The following PIWIL1 variants were observed in gnomAD, a reference collection of about 807,000 sequenced individuals.
PIWIL1 encodes piwi-like protein 1.
In PIWIL1, 73 loss-of-function variants were observed where a neutral mutation model predicts 114.4. That is an observed-to-expected ratio of 0.64 (90% CI 0.53 to 0.78). PIWIL1 has a LOEUF of 0.78. Ranked by LOEUF, PIWIL1 falls within the 30% of genes least tolerant of loss-of-function variation. PIWIL1 has a pLI of 0.00. For missense variants in PIWIL1, 723 were observed against 1,063.1 expected, an observed-to-expected ratio of 0.68 and a Z score of 4.45; for synonymous variants, 375 against 369.0, an observed-to-expected ratio of 1.02 and a Z score of -0.19.
At chr12:130,422,658 T>A in the PIWIL1 span, 1 of 815,172 alleles carries the variant, frequency 1.2e-6, no homozygotes, top group Non-Finnish European at 2.0e-6. The surrounding 1 kb of genome is among the most constrained non-coding windows in gnomAD (Gnocchi z 5.2). Flanking sequence ...GCAGAATCTG[T>A]AAAGGCAACT....
chr12:130,385,260 G>A, the PIWIL1 span, among the ~76,000 whole-genome samples: 1 of 152,170 alleles, frequency 6.6e-6, no homozygotes, highest in Non-Finnish European at 1.5e-5. Flanking sequence ...CTTGTAATTG[G>A]ATGGAATTTA....
the PIWIL1 span, chr12:130,396,296 G>A: frequency 6.6e-6 from 1 of 152,572 alleles, no homozygotes; most frequent in Non-Finnish European, 1.5e-5. Context: ...ACACAATGGG[G>A]AAAGCTTTGT....
chr12:130,401,615 A>ATTAT, the PIWIL1 span, among the ~76,000 whole-genome samples: 2 of 151,686 alleles, frequency 1.3e-5, no homozygotes, highest in African/African-American at 4.8e-5. Context: ...CACCGGCTCC[A>ATTAT]TTATTAGCTT....
Position 130,363,082 on chromosome 12 carries a change from A to G in PIWIL1, c.2133A>G (p.Thr711=). ...RDGVGDGQLK[T]LVNYEVPQFL... is the part of the protein sequence containing the mutation. ...GCGTAGGAGACGGCCAGCTGAAAAC[A>G]CTGGTGAACTACGAAGTGCCACAGT... Residue 711 remains threonine, a synonymous_variant, in exon 18 of 21, where the codon ACA becomes ACG. Transcript: ENST00000245255. 1 of 1,614,264 alleles carries G rather than the reference A, an allele frequency of 6.2e-7. No individual in the cohort carries two copies. The highest frequency in any genetic ancestry group is 8.5e-7 in the Non-Finnish European group (1 of 1,180,042).
At chr12:130,346,335 A>T in intron 4 of PIWIL1, 35 bp from the exon 5 acceptor site, 1 of 1,487,000 alleles carries the variant, frequency 6.7e-7, no homozygotes, top group Non-Finnish European at 9.4e-7. Flanking sequence ...AATAAACTTG[A>T]TATTTTGTTA....
chr12:130,349,911 A>G lies in PIWIL1; in HGVS notation c.988A>G (p.Ser330Gly), dbSNP rs777684447. Residue 330 changes from serine (S) to glycine (G), a missense_variant, in exon 9 of 21, where the codon AGC (serine) becomes GGC (glycine). By Grantham distance (56) the Ser-to-Gly change is moderately conservative (BLOSUM62 0). Transcript: ENST00000245255. ...DDIDWDQNPK[S>G]TFKKADGSEV... ...TATTGACTGGGACCAGAATCCCAAG[A>G]GCACCTTTAAGAAAGCCGACGGCTC... 8.1e-6 allele frequency: 13 copies of G among 1,613,566 alleles called. No homozygotes were observed. The highest frequency in any genetic ancestry group is 1.1e-5 in the Non-Finnish European group (13 of 1,179,678).
Position 130,349,342 on chromosome 12 carries a change from T to C in PIWIL1, c.838T>C (p.Leu280=), listed in dbSNP as rs776887005. 3 of 1,613,880 alleles carry C rather than the reference T, an allele frequency of 1.9e-6. No individual in the cohort carries two copies. The highest frequency in any genetic ancestry group is 2.5e-6 in the Non-Finnish European group (3 of 1,179,740). ...TAAAGTCCTTCGAAGTGAGACTGTT[T>C]TGGATTTCATGTTCAACTTTTATCA... ...SHKVLRSETV[L]DFMFNFYHQT... is the part of the protein sequence containing the mutation. Residue 280 remains leucine (L), a synonymous_variant, in exon 8 of 21, where the codon TTG becomes CTG. Coordinates refer to ENST00000245255, the MANE Select transcript of PIWIL1 (RefSeq NM_004764.5).
intron 9 of PIWIL1, among the ~76,000 whole-genome samples, chr12:130,353,934 A>C (rs1420445005): frequency 6.6e-6 from 1 of 152,156 alleles, no homozygotes; most frequent in Admixed American, 6.5e-5. Context: ...TTCAAAAAAA[A>C]AAAAAAAGAA....
chr12:130,359,465 G>A (rs1593110396), intron 14 of PIWIL1, among the ~76,000 whole-genome samples: 1 of 152,260 alleles, frequency 6.6e-6, no homozygotes, highest in South Asian at 2.1e-4. Context: ...ACCATTCCCT[G>A]CCCTGCTCTT....
the PIWIL1 span, among the ~76,000 whole-genome samples, chr12:130,404,454 C>G: frequency 4.6e-5 from 7 of 152,086 alleles, no homozygotes; most frequent in African/African-American, 1.7e-4. Context: ...CATGCCACCA[C>G]GCCCGGCTAA....
chr12:130,392,203 GCA>G, the PIWIL1 span, among the ~76,000 whole-genome samples: 2 of 67,094 alleles, frequency 3.0e-5, no homozygotes, highest in Non-Finnish European at 6.6e-5. Context: ...TCACGTGGAT[GCA>G]TCAGTTACCC....
At chr12:130,377,700 G>A in the PIWIL1 span, among the ~76,000 whole-genome samples, 1 of 152,224 alleles carries the variant, frequency 6.6e-6, no homozygotes, top group Non-Finnish European at 1.5e-5. Flanking sequence ...CAATGCCAGG[G>A]TGTGATCTGG....
chr12:130,371,245 C>T lies in PIWIL1; in HGVS notation c.2391C>T (p.Ile797=), dbSNP rs2073809407. The T allele has an allele frequency of 6.2e-7, 1 of 1,614,216 alleles. No homozygotes were observed. Among genetic ancestry groups the T allele is most frequent in the Non-Finnish European group, 8.5e-7 (1 of 1,180,026 alleles). ...TTTCTCCCACACATTACAATGTCAT[C>T]TATGACAACAGCGGCCTGAAGCCAG... is the stretch of plus-strand genomic sequence containing the variant. ...GSVSPTHYNV[I]YDNSGLKPDH... Residue 797 remains isoleucine, a synonymous_variant, in exon 20 of 21, where the codon ATC becomes ATT. Transcript: ENST00000245255.
the PIWIL1 span, chr12:130,412,917 CT>C: frequency 3.4e-6 from 3 of 873,202 alleles, no homozygotes; most frequent in Non-Finnish European, 5.1e-6. Flanking sequence ...CATAAATCAC[CT>C]GCATAGGTCA....
At chr12:130,354,815 C>A in intron 10 of PIWIL1, 73 bp from the exon 11 acceptor site, 2 of 1,378,334 alleles carry the variant, frequency 1.5e-6, no homozygotes, top group South Asian at 1.3e-5. Context: ...CACTCACCAT[C>A]ACCCTATACT....
rs1027331016 is a variant in PIWIL1, at chr12:130,345,805, T to C, written c.243T>C (p.Gly81=). 1.4e-5 allele frequency: 23 copies of C among 1,613,822 alleles called. No homozygotes were observed. The highest frequency in any genetic ancestry group is 1.9e-5 in the Non-Finnish European group (23 of 1,179,880). The change falls in exon 4 of 21, where the codon GGT becomes GGC. Residue 81 remains glycine, a synonymous_variant. Transcript: ENST00000245255. The stretch of plus-strand genomic sequence containing the variant: ...AGTTATCGTTAGCAGAGAGAGGAGG[T>C]CGTCGTAGAGATTTTCATGATCTTG... ...FQELSLAERG[G]RRRDFHDLGV...
At chr12:130,380,448 G>T in the PIWIL1 span, among the ~76,000 whole-genome samples, 1 of 152,240 alleles carries the variant, frequency 6.6e-6, no homozygotes, top group Admixed American at 6.5e-5. Context: ...AGGGGAAATT[G>T]CTGAGCCTCT....
chr12:130,392,916 C>CAT, the PIWIL1 span, among the ~76,000 whole-genome samples: 1 of 40,370 alleles, frequency 2.5e-5, no homozygotes, highest in Non-Finnish European at 8.3e-5. Context: ...ACCGTCATCA[C>CAT]GTGTCTGTCA....
chr12:130,414,389 G>T, the PIWIL1 span: 1 of 1,373,164 alleles, frequency 7.3e-7, no homozygotes, highest in Non-Finnish European at 9.9e-7. Flanking sequence ...TTGGAAAGCA[G>T]TGAGGATGGC....
Sources: allele counts gnomAD v4.1 joint callset (sites outside exome capture counted in the v4.1 genomes callset), GRCh38; gene constraint gnomAD v4.1.1; non-coding constraint Gnocchi (gnomAD v3.1); transcripts MANE v1.5; gene names NCBI Gene and HGNC (gene_info 2026-07-23, HGNC 2026-07-21).